MAPK10: variants seen among roughly 807,000 people sequenced by gnomAD.
MAPK10 encodes the protein JNK3 alpha protein kinase.
A neutral mutation model predicts 59.3 loss-of-function variants in MAPK10; 25 were observed. That is an observed-to-expected ratio of 0.42 (90% CI 0.31 to 0.59). The LOEUF (loss-of-function observed/expected upper bound fraction) is 0.59. Among genes scored for constraint, MAPK10 ranks in the 20% least tolerant of loss-of-function variants. The pLI is 0.15. For missense variants in MAPK10, 351 were observed against 568.9 expected, an observed-to-expected ratio of 0.62 and a Z score of 3.90; for synonymous variants, 190 against 200.5, an observed-to-expected ratio of 0.95 and a Z score of 0.44.
chr4:86,100,195 C>T lies in MAPK10; in HGVS notation c.730+857G>A, dbSNP rs199883024. On this transcript the variant is annotated intron_variant, in intron 8 of 13. Coordinates refer to ENST00000641462, the MANE Select transcript of MAPK10 (RefSeq NM_138982.4). The stretch of plus-strand genomic sequence containing the variant: ...ATTAAAGATACACTGAATACATATA[C>T]AATCCTAATTTAAAACTATTTTAAT... The T allele has an allele frequency of 2.0e-5, 3 of 152,218 alleles. No individual in the cohort carries two copies. The East Asian group carries it at 5.8e-4, about 29-fold the overall frequency. 9.4% of individuals were successfully genotyped at this position (152,218 alleles called of 1,614,324 possible). A position where few individuals can be genotyped will look rare whatever the true frequency, so the allele number is the denominator to read the frequency against.
intron 1 of MAPK10, among the ~76,000 whole-genome samples, chr4:86,460,623 G>A (rs970463593): frequency 3.3e-5 from 5 of 152,166 alleles, no homozygotes; most frequent in Admixed American, 6.5e-5. Flanking sequence ...TGGCCATGAC[G>A]CCCACGCTGG....
At chr4:86,553,501 TTACA>T in intron 1 of MAPK10, among the ~76,000 whole-genome samples, 1 of 152,164 alleles carries the variant, frequency 6.6e-6, no homozygotes, top group East Asian at 1.9e-4. Flanking sequence ...CACTCTCTCC[TTACA>T]TAGCCCCAGA....
intron 4 of MAPK10, among the ~76,000 whole-genome samples, chr4:86,139,343 C>T (rs2063054711): frequency 6.6e-6 from 1 of 151,048 alleles, no homozygotes; most frequent in Non-Finnish European, 1.5e-5. Flanking sequence ...AGATGTAGAT[C>T]AATGGAACAG....
intron 1 of MAPK10, among the ~76,000 whole-genome samples, chr4:86,375,767 T>C (rs1270059724): frequency 6.7e-6 from 1 of 149,530 alleles, no homozygotes; most frequent in Non-Finnish European, 1.5e-5. Context: ...AGATTCTGTT[T>C]CTAATAAATA....
At position 86,067,634 on chromosome 4, in the gene MAPK10, T is replaced by C. The variant is rs1468685095; in HGVS notation, c.985+139A>G. ...CATGTTTCAAAAATACCACCCTATA[T>C]CCCACAAAAATGTACGATTATCATG... On this transcript the variant is annotated intron_variant, in intron 10 of 13. Coordinates refer to ENST00000641462, the MANE Select transcript of MAPK10 (RefSeq NM_138982.4). 14 of 699,184 alleles carry C rather than the reference T, an allele frequency of 2.0e-5. No individual in the cohort carries two copies. In the South Asian group the frequency reaches 4.1e-4, roughly 20 times the overall value. The allele number at this position is 699,184 out of a possible 1,614,324, so 43.3% of individuals were successfully genotyped here.
intron 2 of MAPK10, among the ~76,000 whole-genome samples, chr4:86,317,728 A>T (rs2095817115): frequency 6.6e-6 from 1 of 152,208 alleles, no homozygotes. Context: ...GATGCCATAA[A>T]TAATCCTGGA....
chr4:86,569,076 T>C (rs1352252005), intron 1 of MAPK10, among the ~76,000 whole-genome samples: 1 of 151,986 alleles, frequency 6.6e-6, no homozygotes, highest in African/African-American at 2.4e-5. Context: ...ATCCAGAATC[T>C]ACAAGGAATA....
At chr4:86,075,916 C>A (rs1399582122) in intron 9 of MAPK10, among the ~76,000 whole-genome samples, 1 of 152,126 alleles carries the variant, frequency 6.6e-6, no homozygotes, top group East Asian at 1.9e-4. Flanking sequence ...CTGTGGTGGG[C>A]TCCACCCAGT....
intron 4 of MAPK10, among the ~76,000 whole-genome samples, chr4:86,148,729 G>C (rs1244047863): frequency 2.6e-5 from 4 of 152,182 alleles, no homozygotes; most frequent in Non-Finnish European, 4.4e-5. Context: ...AGTTTGAGTA[G>C]ATGATCATAA....
intron 1 of MAPK10, among the ~76,000 whole-genome samples, chr4:86,449,893 G>C (rs1441399680): frequency 6.6e-6 from 1 of 152,160 alleles, no homozygotes; most frequent in African/African-American, 2.4e-5. Flanking sequence ...AGTTACCCTG[G>C]CTAATTGCCA....
At chr4:86,102,439 G>A (rs937075285) in intron 6 of MAPK10, 2 of 161,874 alleles carry the variant, frequency 1.2e-5, no homozygotes, top group African/African-American at 4.8e-5. Flanking sequence ...TGTCACTACT[G>A]GGTAGACTTT....
intron 2 of MAPK10, among the ~76,000 whole-genome samples, chr4:86,243,046 C>T (rs2092845987): frequency 6.6e-6 from 1 of 152,212 alleles, no homozygotes; most frequent in African/African-American, 2.4e-5. Context: ...CACTGCCTCC[C>T]TTGGCTGGCG....
intron 2 of MAPK10, among the ~76,000 whole-genome samples, chr4:86,211,835 CAG>C (rs2085900320): frequency 6.6e-6 from 1 of 152,006 alleles, no homozygotes; most frequent in Non-Finnish European, 1.5e-5. Context: ...TGGAAAAAAG[CAG>C]AGTTTGTATG....
intron 2 of MAPK10, among the ~76,000 whole-genome samples, chr4:86,337,412 T>G (rs879072767): frequency 1.3e-5 from 2 of 152,354 alleles, no homozygotes; most frequent in African/African-American, 2.4e-5. Flanking sequence ...AATTACTCTA[T>G]ATCCACATTT....
chr4:86,204,806 T>G (rs1022589004), intron 2 of MAPK10, among the ~76,000 whole-genome samples: 2 of 152,012 alleles, frequency 1.3e-5, no homozygotes, highest in African/African-American at 4.8e-5. Flanking sequence ...TATGCATGGC[T>G]TAAATTGTAG....
chr4:86,216,876 T>C (rs2087818720), intron 2 of MAPK10, among the ~76,000 whole-genome samples: 1 of 152,148 alleles, frequency 6.6e-6, no homozygotes, highest in South Asian at 2.1e-4. Context: ...ATAACTCTAC[T>C]TTTATGTATA....
chr4:86,580,898 G>T (rs989054253), intron 1 of MAPK10, among the ~76,000 whole-genome samples: 2 of 152,016 alleles, frequency 1.3e-5, no homozygotes, highest in Non-Finnish European at 2.9e-5. Context: ...TACTTCCTGC[G>T]GATAAACAGC....
At chr4:86,023,000 T>C (rs990659871) in intron 13 of MAPK10, among the ~76,000 whole-genome samples, 3 of 152,240 alleles carry the variant, frequency 2.0e-5, no homozygotes, top group African/African-American at 7.2e-5. Flanking sequence ...GTGTCATATC[T>C]AATAAACCAT....
At chr4:86,361,278 G>C (rs1578898248), upstream of MAPK10, among the ~76,000 whole-genome samples, 4 of 152,292 alleles carry the variant, frequency 2.6e-5, no homozygotes, top group South Asian at 8.3e-4. Context: ...AGGCTTGAGT[G>C]AGTTGTATGT....
Sources: allele counts gnomAD v4.1 joint callset (sites outside exome capture counted in the v4.1 genomes callset), GRCh38; gene constraint gnomAD v4.1.1; transcripts MANE v1.5; gene names NCBI Gene and HGNC (gene_info 2026-07-23, HGNC 2026-07-21).